Variants in FHL2 observed in about 807,000 individuals in gnomAD.
The protein encoded by FHL2 is four and a half LIM domains 2.
In FHL2, 20 loss-of-function variants were observed where a neutral mutation model predicts 32.7. The observed-to-expected ratio is 0.61, with a 90% CI of 0.43 to 0.89. FHL2 has a LOEUF of 0.89. Among genes scored for constraint, FHL2 ranks in the 40% least tolerant of loss-of-function variants. FHL2 has a pLI of 0.00. For missense variants in FHL2, 311 were observed against 358.6 expected, an observed-to-expected ratio of 0.87 and a Z score of 1.07; for synonymous variants, 123 against 128.1, an observed-to-expected ratio of 0.96 and a Z score of 0.27.
intron 3 of FHL2, among the ~76,000 whole-genome samples, chr2:105,379,131 C>G (rs1046210546): frequency 2.0e-5 from 3 of 152,200 alleles, no homozygotes; most frequent in Non-Finnish European, 2.9e-5. Flanking sequence ...AATCCTGGCT[C>G]TGCCCTATGC....
At chr2:105,367,366 G>A (rs1211895024) in intron 5 of FHL2, among the ~76,000 whole-genome samples, 1 of 152,216 alleles carries the variant, frequency 6.6e-6, no homozygotes, top group Non-Finnish European at 1.5e-5. Flanking sequence ...TGATCACAGA[G>A]CTCAACAATG....
At chr2:105,373,856 C>T (rs1023972817) in intron 3 of FHL2, 123 bp from the exon 4 acceptor site, 7 of 834,896 alleles carry the variant, frequency 8.4e-6, no homozygotes, top group Admixed American at 2.2e-5. Context: ...GGCACCCTGG[C>T]GCACCCACAT....
At chr2:105,384,642 G>T (rs935990012) in intron 3 of FHL2, among the ~76,000 whole-genome samples, 1 of 152,146 alleles carries the variant, frequency 6.6e-6, no homozygotes, top group Non-Finnish European at 1.5e-5. Context: ...CAAGTAGCTG[G>T]GATTACAGAT....
chr2:105,418,689 C>T (rs1684008150), intron 1 of FHL2, among the ~76,000 whole-genome samples: 1 of 152,170 alleles, frequency 6.6e-6, no homozygotes, highest in African/African-American at 2.4e-5. Context: ...CAGTAGCGCC[C>T]TCCTCCCGCT....
At chr2:105,400,907 G>T (rs1267160803), upstream of FHL2, among the ~76,000 whole-genome samples, 1 of 151,842 alleles carries the variant, frequency 6.6e-6, no homozygotes, top group Non-Finnish European at 1.5e-5. Flanking sequence ...AAATGACCCT[G>T]TGGTCATTCG....
At chr2:105,436,472 T>C (rs568456986) in intron 1 of FHL2, among the ~76,000 whole-genome samples, 1 of 152,286 alleles carries the variant, frequency 6.6e-6, no homozygotes, top group African/African-American at 2.4e-5. Context: ...AGATAACCAA[T>C]TTTCAAGGAA....
At chr2:105,371,416 C>A (rs964431652) in intron 4 of FHL2, among the ~76,000 whole-genome samples, 4 of 152,018 alleles carry the variant, frequency 2.6e-5, no homozygotes, top group African/African-American at 9.7e-5. Context: ...TCCAGCCTGC[C>A]GCCCTACGGA....
At chr2:105,402,106 C>CGTGTATATAT (rs1284509329), upstream of FHL2, among the ~76,000 whole-genome samples, 1 of 146,414 alleles carries the variant, frequency 6.8e-6, no homozygotes, top group African/African-American at 2.5e-5. Context: ...TGTATATATA[C>CGTGTATATAT]ACGTATATAT....
At chr2:105,363,753 T>G (rs1254549051) in intron 5 of FHL2, among the ~76,000 whole-genome samples, 1 of 152,176 alleles carries the variant, frequency 6.6e-6, no homozygotes, top group Non-Finnish European at 1.5e-5. Context: ...GGTGCCTCAG[T>G]GGTGTTGCCA....
chr2:105,406,743 G>T (rs189445556), intron 1 of FHL2, among the ~76,000 whole-genome samples: 60 of 152,118 alleles, frequency 3.9e-4, no homozygotes, highest in African/African-American at 1.4e-3. Flanking sequence ...GCAATCCTGC[G>T]CAGGAGAGAG....
intron 1 of FHL2, among the ~76,000 whole-genome samples, chr2:105,410,906 A>G (rs1489041104): frequency 6.6e-6 from 1 of 152,172 alleles, no homozygotes; most frequent in East Asian, 1.9e-4. Flanking sequence ...TTATTTTAGG[A>G]AGCCAAGTGC....
chr2:105,424,272 A>G (rs1684192240), intron 1 of FHL2, among the ~76,000 whole-genome samples: 1 of 152,242 alleles, frequency 6.6e-6, no homozygotes. Context: ...AGACACATGA[A>G]AAAATGCTCA....
At chr2:105,408,491 T>C (rs1683701844) in intron 1 of FHL2, among the ~76,000 whole-genome samples, 2 of 152,200 alleles carry the variant, frequency 1.3e-5, no homozygotes, top group Admixed American at 1.3e-4. Context: ...CAGCCTTCCC[T>C]TCACAGCCTT....
rs1202751550 is a variant in FHL2 at position 105,367,397 on chromosome 2, A to G, written c.501+173T>C. On this transcript the variant is annotated intron_variant, in intron 5 of 6. Coordinates refer to ENST00000530340, the MANE Select transcript of FHL2 (RefSeq NM_001318895.3). ...CAATGTTGATGTCTTTGAAAGAAGG[A>G]TGGACACCCAGACCCGATGGATAAA... 5.3e-5 allele frequency among the ~76,000 whole-genome samples: 8 copies of G among 152,334 alleles called. No individual in the cohort carries two copies. The East Asian group carries it at 1.5e-3, about 29-fold the overall frequency.
At chr2:105,416,209 T>C (rs1005880898) in intron 1 of FHL2, among the ~76,000 whole-genome samples, 10 of 152,340 alleles carry the variant, frequency 6.6e-5, no homozygotes, top group African/African-American at 1.7e-4. Flanking sequence ...TAACATAGAA[T>C]GTTTTCATGA....
chr2:105,392,871 G>A (rs377416660), intron 2 of FHL2, among the ~76,000 whole-genome samples: 28 of 139,804 alleles, frequency 2.0e-4, no homozygotes, highest in African/African-American at 6.9e-4. Context: ...CCAGGCTGGA[G>A]TGCACTGGCC....
chr2:105,384,374 A>G (rs1682135033), intron 3 of FHL2, among the ~76,000 whole-genome samples: 2 of 152,224 alleles, frequency 1.3e-5, no homozygotes, highest in African/African-American at 4.8e-5. Context: ...GAAAAGAATA[A>G]GGAAGTAGTC....
chr2:105,383,165 C>T (rs1222200280), intron 3 of FHL2, among the ~76,000 whole-genome samples: 5 of 152,214 alleles, frequency 3.3e-5, no homozygotes, highest in Non-Finnish European at 5.9e-5. Flanking sequence ...GAATTACAGG[C>T]GTGGGCCACT....
chr2:105,413,514 C>T (rs1311833559), intron 1 of FHL2, among the ~76,000 whole-genome samples: 1 of 152,066 alleles, frequency 6.6e-6, no homozygotes, highest in African/African-American at 2.4e-5. Flanking sequence ...GGCAGGGTTA[C>T]CCGGGCTGGA....
Sources: allele counts gnomAD v4.1 joint callset (sites outside exome capture counted in the v4.1 genomes callset), GRCh38; gene constraint gnomAD v4.1.1; transcripts MANE v1.5; gene names NCBI Gene and HGNC (gene_info 2026-07-23, HGNC 2026-07-21).